The following TAMALIN variants were observed in gnomAD, a reference collection of about 807,000 sequenced individuals.
The protein encoded by TAMALIN is trafficking regulator and scaffold protein tamalin, also known as protein TAMALIN.
TAMALIN carries 9 observed loss-of-function variants against 38.5 expected under a neutral mutation model. The observed-to-expected ratio is 0.23, with a 90% CI of 0.14 to 0.41. The LOEUF (loss-of-function observed/expected upper bound fraction) is 0.41. Ranked by LOEUF, TAMALIN falls within the 10% of genes least tolerant of loss-of-function variation. The pLI, the probability that TAMALIN is intolerant of heterozygous loss-of-function variation, is 1.00. For synonymous variants in TAMALIN, 306 were observed against 256.5 expected (o/e 1.19, Z -1.85); for missense variants, 548 against 554.1 (o/e 0.99, Z 0.11).
intron 1 of TAMALIN, chr12:52,008,213 T>A: frequency 2.0e-6 from 2 of 985,424 alleles, no homozygotes; most frequent in Non-Finnish European, 2.4e-6. Flanking sequence ...TTCTCTTCCT[T>A]GCCTTGGGCA....
chr12:52,008,580 A>G, intron 1 of TAMALIN: 1 of 985,380 alleles, frequency 1.0e-6, no homozygotes, highest in South Asian at 4.7e-5. Context: ...GGGATCCACA[A>G]CTGGTCCTTG....
In TAMALIN at chr12:52,010,035, C is replaced by T. The variant is rs116144608; in HGVS notation, c.296+796C>T. Among the ~76,000 whole-genome samples the T allele has an allele frequency of 9.5e-3, 1,440 of 152,264 alleles. 17 individuals are homozygous for T. The highest frequency in any genetic ancestry group is 0.031 in the African/African-American group (1,282 of 41,552). ...AAACCCTAGAACATTGGGGTAGACGCGGAACTCCCAGCCACCCTGCTCCCT... is the reference window on the plus strand; with the variant it reads ...AAACCCTAGAACATTGGGGTAGACGTGGAACTCCCAGCCACCCTGCTCCCT... On this transcript the variant is annotated intron_variant, in intron 2 of 7. Transcript: ENST00000293662.
chr12:52,012,546 G>A (rs376181986), intron 4 of TAMALIN, among the ~76,000 whole-genome samples: 3 of 152,170 alleles, frequency 2.0e-5, no homozygotes, highest in South Asian at 2.1e-4. Flanking sequence ...GAGCCACGGC[G>A]CTCGGCCCCA....
chr12:52,013,975 C>T (rs766022792), intron 6 of TAMALIN, 32 bp downstream of exon 6: 4 of 1,605,458 alleles, frequency 2.5e-6, no homozygotes, highest in South Asian at 2.2e-5. Context: ...CCAGCCTCCA[C>T]CCTCCTCTTC....
chr12:52,008,561 C>T, intron 1 of TAMALIN: 1 of 985,370 alleles, frequency 1.0e-6, no homozygotes, highest in Non-Finnish European at 1.2e-6. Context: ...CAGCTGGTCA[C>T]CTGCAGCTGG....
intron 7 of TAMALIN, 100 bp downstream of exon 7, chr12:52,014,301 A>C (rs1273426441): frequency 2.0e-6 from 2 of 997,048 alleles, no homozygotes; most frequent in African/African-American, 3.2e-5. Flanking sequence ...AGAACGGTTT[A>C]CTAGTAAACC....
In TAMALIN at chr12:52,007,360, G is replaced by A; in HGVS notation, c.246+95G>A. 2 of 1,286,394 alleles carry A rather than the reference G, an allele frequency of 1.6e-6. No homozygotes were observed. Among genetic ancestry groups the A allele is most frequent in the Non-Finnish European group, 9.8e-7 (1 of 1,017,070 alleles). The allele number at this position is 1,286,394 out of a possible 1,614,324, so 79.7% of individuals were successfully genotyped here. A position where few individuals can be genotyped will look rare whatever the true frequency, so the allele number is the denominator to read the frequency against. ...GCAGTGCCCTCTCCTCGGCGTCCGC[G>A]GAGTCCCCCACCTTCTTCCCCGGCC... is the stretch of plus-strand genomic sequence containing the variant. On this transcript the variant is annotated intron_variant, in intron 1 of 7. Coordinates refer to ENST00000293662, the MANE Select transcript of TAMALIN (RefSeq NM_181711.4). The surrounding 1 kb of genome is among the most constrained non-coding windows in gnomAD (Gnocchi z 6.7).
chr12:52,008,498 A>G, intron 1 of TAMALIN: 2 of 982,706 alleles, frequency 2.0e-6, no homozygotes, highest in Non-Finnish European at 2.4e-6. Flanking sequence ...GTTTTGTCCC[A>G]GAAAGCACAA....
chr12:52,010,733 C>A, intron 2 of TAMALIN, 148 bp from the exon 3 acceptor site: 1 of 997,600 alleles, frequency 1.0e-6, no homozygotes, highest in Non-Finnish European at 1.5e-6. Flanking sequence ...GAAAGACATT[C>A]CAATAATCTG....
rs961644698 is a variant in TAMALIN, at chr12:52,015,097, C to A, written c.1086C>A (p.Gly362=). 2 of 1,559,924 alleles carry A rather than the reference C, an allele frequency of 1.3e-6. No individual in the cohort carries two copies. The highest frequency in any genetic ancestry group is 1.7e-6 in the Non-Finnish European group (2 of 1,160,982). Reference sequence around the variant, plus strand: ...AGGCTCGCGAGCAGGCCCTATGCGGCCCCGGCCTGCGCAAAACCAAGTACC... The same window carrying A: ...AGGCTCGCGAGCAGGCCCTATGCGGACCCGGCCTGCGCAAAACCAAGTACC... ...WTEAREQALC[G]PGLRKTKYRS... The change falls in exon 8 of 8, where the codon GGC becomes GGA. Residue 362 remains glycine, a synonymous_variant. Transcript: ENST00000293662.
chr12:52,010,534 G>A (rs900834396), intron 2 of TAMALIN: 4 of 1,137,932 alleles, frequency 3.5e-6, no homozygotes, highest in African/African-American at 1.6e-5. Flanking sequence ...GCTCCAGGCT[G>A]TGGCTGAATT....
chr12:52,013,213 G>A lies in TAMALIN; in HGVS notation c.455-474G>A, dbSNP rs1184473204. On this transcript the variant is annotated intron_variant, in intron 4 of 7. Transcript: ENST00000293662. ...CTGCCTCAGCCTCCCGAGTAGCTGG[G>A]ACTACAGGCGCCTGCTACCACGCCC... 8.7e-5 allele frequency among the ~76,000 whole-genome samples: 13 copies of A among 149,766 alleles called. No homozygotes were observed. In the South Asian group the frequency reaches 1.3e-3, roughly 15 times the overall value.
chr12:52,012,096 G>A (rs1937665537), intron 4 of TAMALIN, among the ~76,000 whole-genome samples: 2 of 152,204 alleles, frequency 1.3e-5, no homozygotes, highest in African/African-American at 4.8e-5. Context: ...AGGAACGCCT[G>A]CAAGAGTGGT....
chr12:52,007,048 A>G lies in TAMALIN; in HGVS notation c.29A>G (p.Gln10Arg). ...ACCCTCCGCCGACTCAGGAAGCTGC[A>G]GCAGAAGGAGGAGGCGGCGGCCACC... Reference protein sequence around the residue: MTLRRLRKLQQKEEAAATPD... With the variant: MTLRRLRKLRQKEEAAATPD... The change falls in exon 1 of 8, where the codon CAG (glutamine) becomes CGG (arginine). Residue 10 changes from glutamine to arginine, a missense_variant. This residue lies in a region of TAMALIN where 128 missense variants were observed against 117.9 expected (regional missense o/e 1.09). Transcript: ENST00000293662. This position sits in a 1 kb window ranked among gnomAD's most constrained non-coding sequence, Gnocchi z 6.7. The G allele has an allele frequency of 6.9e-7, 1 of 1,450,594 alleles. No homozygotes were observed. Among genetic ancestry groups the G allele is most frequent in the Non-Finnish European group, 9.0e-7 (1 of 1,109,586 alleles). 89.9% of individuals were successfully genotyped at this position (1,450,594 alleles called of 1,614,324 possible).
Position 52,007,212 on chromosome 12 carries a change from GC to G in TAMALIN, c.195del (p.Glu66SerfsTer37). On this transcript the variant is annotated frameshift_variant, in exon 1 of 8. Transcript: ENST00000293662. LOFTEE classifies it high-confidence loss of function. This position sits in a 1 kb window ranked among gnomAD's most constrained non-coding sequence, Gnocchi z 6.7. Reference sequence around the variant, plus strand: ...CGCGGCGCTGGAGGACTATCACCCTGCCGAGCTGTACCGCGCGCTCGCCGTG... The same window carrying G: ...CGCGGCGCTGGAGGACTATCACCCTGCGAGCTGTACCGCGCGCTCGCCGTG... ...LYAALEDYHP[A>X]ELYRALAVSG... 6.6e-7 allele frequency: 1 copy of G among 1,513,654 alleles called. No homozygotes were observed. Among genetic ancestry groups the G allele is most frequent in the Admixed American group, 2.3e-5 (1 of 44,292 alleles). The allele number at this position is 1,513,654 out of a possible 1,614,324, so 93.8% of individuals were successfully genotyped here.
Position 52,014,765 on chromosome 12 carries a change from C to T in TAMALIN, c.754C>T (p.Leu252=). 1 of 1,493,916 alleles carries T rather than the reference C, an allele frequency of 6.7e-7. No homozygotes were observed. The highest frequency in any genetic ancestry group is 8.8e-7 in the Non-Finnish European group (1 of 1,132,080). The allele number at this position is 1,493,916 out of a possible 1,614,324, so 92.5% of individuals were successfully genotyped here. ...GCGCTCCTGCCTCTACGGCGCGGGC[C>T]TGCTCCCGGGCTCGCTGCCCTTCGG... ...SVRSCLYGAG[L]LPGSLPFGPL... Residue 252 remains leucine, a synonymous_variant, in exon 8 of 8, where the codon CTG becomes TTG. Coordinates refer to ENST00000293662, the MANE Select transcript of TAMALIN (RefSeq NM_181711.4).
chr12:52,015,028 T>TGGAGGGGGCGGA lies in TAMALIN; in HGVS notation c.1019_1020insAGGGGGCGGAGG (p.Gly343_Gly346dup), dbSNP rs1814977817. On this transcript the variant is annotated inframe_insertion, in exon 8 of 8. Coordinates refer to ENST00000293662, the MANE Select transcript of TAMALIN (RefSeq NM_181711.4). ...GCGCCAGTGTGCGGTGCGCGGGCCC[T>TGGAGGGGGCGGA]GGCGGGGGCGGAGGCGGGGGCGCGC... 2 of 1,293,758 alleles carry TGGAGGGGGCGGA rather than the reference T, an allele frequency of 1.5e-6. No individual in the cohort carries two copies. Among genetic ancestry groups the TGGAGGGGGCGGA allele is most frequent in the South Asian group, 3.5e-5 (2 of 56,972 alleles). 80.1% of individuals were successfully genotyped at this position (1,293,758 alleles called of 1,614,324 possible).
rs1255374404 is a variant in TAMALIN at position 52,007,902 on chromosome 12, T to C, written c.246+637T>C. On this transcript the variant is annotated intron_variant, in intron 1 of 7. Transcript: ENST00000293662. This position sits in a 1 kb window ranked among gnomAD's most constrained non-coding sequence, Gnocchi z 6.7. ...CAGGGCGCCCGCGGGGCAGGAAGGA[T>C]GCGGGCCGCGCCCACCTCTGAGTCC... 1 of 985,104 alleles carries C rather than the reference T, an allele frequency of 1.0e-6. No homozygotes were observed. Among genetic ancestry groups the C allele is most frequent in the East Asian group, 1.1e-4 (1 of 8,792 alleles). The allele number at this position is 985,104 out of a possible 1,614,324, so 61.0% of individuals were successfully genotyped here.
Position 52,015,179 on chromosome 12 carries a change from G to A in TAMALIN, c.1168G>A (p.Glu390Lys). 6.3e-7 allele frequency: 1 copy of A among 1,592,000 alleles called. No individual in the cohort carries two copies. The highest frequency in any genetic ancestry group is 8.5e-7 in the Non-Finnish European group (1 of 1,177,040). The change falls in exon 8 of 8, where the codon GAG becomes AAG. Residue 390 changes from glutamate (E) to lysine (K), a missense_variant. Physicochemically the swap from Glu to Lys is moderately conservative, Grantham distance 56 (BLOSUM62 1). This residue lies in a region of TAMALIN where 415 missense variants were observed against 417.0 expected (regional missense o/e 1.00). Transcript: ENST00000293662. ...FIPGLNRSLE[E>K]EESQL is the part of the protein sequence containing the mutation. ...CCCCGGACTCAACCGCTCCCTGGAG[G>A]AGGAGGAGAGCCAGCTGTAGGGGCG...
Sources: allele counts gnomAD v4.1 joint callset (sites outside exome capture counted in the v4.1 genomes callset), GRCh38; gene constraint gnomAD v4.1.1; regional missense constraint gnomAD v4.1.1; non-coding constraint Gnocchi (gnomAD v3.1); transcripts MANE v1.5; gene names NCBI Gene and HGNC (gene_info 2026-07-23, HGNC 2026-07-21).